Variants in TEAD1 observed in about 807,000 individuals in gnomAD.
TEAD1 encodes the protein TEA domain transcription factor 1.
Under a neutral mutation model 54.9 loss-of-function variants are expected in TEAD1, and 9 were observed. The ratio of observed to expected loss-of-function variants is 0.16; its 90% CI spans 0.10 to 0.29. TEAD1 has a LOEUF of 0.29. Ranked by LOEUF, TEAD1 falls within the 10% of genes least tolerant of loss-of-function variation. The probability of loss-of-function intolerance (pLI) is 1.00; values close to 1 mark genes in which losing one functional copy is unlikely to be tolerated. For synonymous variants in TEAD1, 200 were observed against 187.8 expected (o/e 1.07, Z -0.53); for missense variants, 387 against 535.9 (o/e 0.72, Z 2.74).
At chr11:12,892,175 G>A (rs1948210781) in intron 9 of TEAD1, among the ~76,000 whole-genome samples, 1 of 152,120 alleles carries the variant, frequency 6.6e-6, no homozygotes, top group African/African-American at 2.4e-5. Context: ...TTCTTTCAAT[G>A]GCCTAAATTT....
chr11:12,738,205 C>T (rs930242229), intron 2 of TEAD1, among the ~76,000 whole-genome samples: 2 of 152,104 alleles, frequency 1.3e-5, no homozygotes, highest in Non-Finnish European at 2.9e-5. Context: ...GGCAGAAATA[C>T]ATAGAATAAG....
chr11:12,777,084 C>T (rs1214272697), intron 3 of TEAD1, among the ~76,000 whole-genome samples: 1 of 151,956 alleles, frequency 6.6e-6, no homozygotes, highest in African/African-American at 2.4e-5. Context: ...TGAACCACCG[C>T]ACCCAGCCTT....
intron 3 of TEAD1, among the ~76,000 whole-genome samples, chr11:12,821,528 A>T (rs527239282): frequency 6.6e-6 from 1 of 152,332 alleles, no homozygotes; most frequent in East Asian, 1.9e-4. Flanking sequence ...CTTTTTATCT[A>T]TTAAATGGGA....
intron 11 of TEAD1, 69 bp downstream of exon 11, chr11:12,925,121 T>A (rs1948883237): frequency 6.4e-7 from 1 of 1,572,484 alleles, no homozygotes; most frequent in African/African-American, 1.3e-5. Context: ...AAACCTTCCT[T>A]GGGGCAGAGA....
chr11:12,792,318 TA>T (rs1945820260), intron 3 of TEAD1, among the ~76,000 whole-genome samples: 1 of 44,096 alleles, frequency 2.3e-5, no homozygotes, highest in African/African-American at 9.8e-5. Context: ...AAAGATAATA[TA>T]AAAATATCAA....
chr11:12,703,986 G>A (rs929074447), intron 2 of TEAD1, among the ~76,000 whole-genome samples: 38 of 152,292 alleles, frequency 2.5e-4, no homozygotes, highest in African/African-American at 8.7e-4. Flanking sequence ...AATGGCCCTG[G>A]ATGTGCTTTT....
At position 12,901,923 on chromosome 11, in the gene TEAD1, C is replaced by G. The variant is rs1247155327; in HGVS notation, c.700-17C>G. The G allele has an allele frequency of 6.2e-7, 1 of 1,614,036 alleles. No homozygotes were observed. The highest frequency in any genetic ancestry group is 1.3e-5 in the African/African-American group (1 of 74,924). ...CAAAGAGTTTGTAATGGGAATGTTT[C>G]TGTTGGTTTCTTACAGTACAACAAA... On this transcript the variant is annotated splice_polypyrimidine_tract_variant and intron_variant, in intron 9 of 12. Coordinates refer to ENST00000527636, the MANE Select transcript of TEAD1 (RefSeq NM_021961.6).
chr11:12,872,253 G>A (rs1322008969), intron 5 of TEAD1, among the ~76,000 whole-genome samples: 1 of 152,150 alleles, frequency 6.6e-6, no homozygotes, highest in East Asian at 1.9e-4. Flanking sequence ...ACTCTGTGTT[G>A]CTCCGTGAAG....
chr11:12,708,328 A>G (rs1024509232), intron 2 of TEAD1, among the ~76,000 whole-genome samples: 15 of 151,820 alleles, frequency 9.9e-5, no homozygotes, highest in African/African-American at 3.4e-4. Flanking sequence ...AAGGCTTTCA[A>G]ACTGTGGGCA....
intron 11 of TEAD1, 126 bp from the exon 12 acceptor site, chr11:12,930,047 TA>T: frequency 2.0e-6 from 2 of 996,354 alleles, no homozygotes; most frequent in Non-Finnish European, 3.1e-6. Flanking sequence ...GTAGATTACG[TA>T]AGTAGTATAG....
intron 3 of TEAD1, among the ~76,000 whole-genome samples, chr11:12,769,063 G>C (rs940389771): frequency 7.9e-5 from 12 of 152,140 alleles, no homozygotes; most frequent in Non-Finnish European, 1.5e-4. Flanking sequence ...TCTGGGCAGA[G>C]CTGTTGCTTC....
chr11:12,923,895 G>C (rs1948859443), intron 10 of TEAD1, among the ~76,000 whole-genome samples: 1 of 152,158 alleles, frequency 6.6e-6, no homozygotes, highest in Non-Finnish European at 1.5e-5. Context: ...TTTGGTGGGG[G>C]CACATTCAGA....
At chr11:12,778,785 C>T (rs1945485060) in intron 3 of TEAD1, among the ~76,000 whole-genome samples, 1 of 152,084 alleles carries the variant, frequency 6.6e-6, no homozygotes, top group Non-Finnish European at 1.5e-5. Flanking sequence ...AATGAAACAA[C>T]AAGGGCAAGA....
chr11:12,901,904 G>A, intron 9 of TEAD1, 36 bp from the exon 10 acceptor site: 1 of 1,614,030 alleles, frequency 6.2e-7, no homozygotes, highest in South Asian at 1.1e-5. Flanking sequence ...TGATCAAAGA[G>A]TTTGTAATGG....
At chr11:12,846,809 G>T (rs562455208) in intron 3 of TEAD1, among the ~76,000 whole-genome samples, 2 of 152,162 alleles carry the variant, frequency 1.3e-5, no homozygotes, top group Non-Finnish European at 2.9e-5. Context: ...TTAAAAACAG[G>T]GAAGATTGAG....
intron 10 of TEAD1, among the ~76,000 whole-genome samples, chr11:12,909,823 C>T (rs1948585584): frequency 6.6e-6 from 1 of 152,142 alleles, no homozygotes; most frequent in South Asian, 2.1e-4. Flanking sequence ...AAATTTAAAT[C>T]CCTAATTAAA....
chr11:12,913,958 G>C (rs1948663733), intron 10 of TEAD1, among the ~76,000 whole-genome samples: 1 of 152,172 alleles, frequency 6.6e-6, no homozygotes, highest in Non-Finnish European at 1.5e-5. Flanking sequence ...AATGAGAAAG[G>C]TTTGGGGCCA....
intron 10 of TEAD1, among the ~76,000 whole-genome samples, chr11:12,906,759 T>G (rs1313393724): frequency 1.3e-5 from 2 of 152,180 alleles, no homozygotes; most frequent in African/African-American, 2.4e-5. Context: ...GTTCTAGACA[T>G]TTCATATGAA....
intron 2 of TEAD1, among the ~76,000 whole-genome samples, chr11:12,763,847 A>G (rs979167313): frequency 2.6e-5 from 4 of 152,294 alleles, no homozygotes; most frequent in African/African-American, 7.2e-5. Context: ...TCTTCCATAT[A>G]AATTTCCTCT....
Sources: allele counts gnomAD v4.1 joint callset (sites outside exome capture counted in the v4.1 genomes callset), GRCh38; gene constraint gnomAD v4.1.1; transcripts MANE v1.5; gene names NCBI Gene and HGNC (gene_info 2026-07-23, HGNC 2026-07-21).